Variants in OTUD7A observed in about 807,000 individuals in gnomAD.
OTUD7A encodes OTU deubiquitinase 7A.
A neutral mutation model predicts 65.7 loss-of-function variants in OTUD7A; 12 were observed. The ratio of observed to expected loss-of-function variants is 0.18; its 90% CI spans 0.12 to 0.30. The LOEUF (loss-of-function observed/expected upper bound fraction) is 0.30. OTUD7A is among the 10% of genes least tolerant of loss of function. The pLI is 1.00. For missense variants in OTUD7A, 1,148 were observed against 1,304.8 expected (o/e 0.88, Z 1.85); for synonymous variants, 641 against 586.3 (o/e 1.09, Z -1.35).
chr15:31,571,845 G>A (rs1009087527), intron 3 of OTUD7A, among the ~76,000 whole-genome samples: 5 of 152,100 alleles, frequency 3.3e-5, no homozygotes, highest in African/African-American at 1.2e-4. Flanking sequence ...CAAACACACT[G>A]AGGCCATAAA....
chr15:31,746,294 T>A (rs1167189477), intron 1 of OTUD7A, among the ~76,000 whole-genome samples: 2 of 152,110 alleles, frequency 1.3e-5, no homozygotes, highest in African/African-American at 4.8e-5. Flanking sequence ...AACCCAAATG[T>A]CCATCAAGAA....
chr15:31,727,417 TCC>T (rs1365573436), intron 1 of OTUD7A, among the ~76,000 whole-genome samples: 1 of 75,236 alleles, frequency 1.3e-5, no homozygotes, highest in East Asian at 4.4e-4. Flanking sequence ...CCATCCACCC[TCC>T]TTTTTTTCCC....
At chr15:31,674,391 C>T (rs1215192673) in intron 1 of OTUD7A, among the ~76,000 whole-genome samples, 1 of 152,170 alleles carries the variant, frequency 6.6e-6, no homozygotes, top group Non-Finnish European at 1.5e-5. Context: ...ACAGGAATGA[C>T]ATGCTTTAGG....
chr15:31,778,159 T>C (rs770051713), intron 1 of OTUD7A, among the ~76,000 whole-genome samples: 1 of 151,952 alleles, frequency 6.6e-6, no homozygotes, highest in African/African-American at 2.4e-5. Flanking sequence ...AGAATACGCA[T>C]AGAGAGAGGG....
chr15:31,710,723 C>A (rs1196343463), intron 1 of OTUD7A, among the ~76,000 whole-genome samples: 2 of 152,284 alleles, frequency 1.3e-5, no homozygotes, highest in African/African-American at 4.8e-5. Flanking sequence ...TCTGGAAGAG[C>A]TATCCATTAT....
chr15:31,699,385 G>A (rs991397289), intron 1 of OTUD7A, among the ~76,000 whole-genome samples: 3 of 152,132 alleles, frequency 2.0e-5, no homozygotes, highest in Non-Finnish European at 2.9e-5. Flanking sequence ...AGCCAATACT[G>A]TTGTTTTTAC....
intron 1 of OTUD7A, among the ~76,000 whole-genome samples, chr15:31,786,227 A>G (rs1237116112): frequency 1.3e-5 from 2 of 152,174 alleles, no homozygotes; most frequent in Admixed American, 1.3e-4. Context: ...TTTCTTTATA[A>G]ACTACCTACT....
At chr15:31,646,162 T>C (rs1344009490) in intron 3 of OTUD7A, among the ~76,000 whole-genome samples, 4 of 152,044 alleles carry the variant, frequency 2.6e-5, no homozygotes, top group African/African-American at 7.3e-5. Flanking sequence ...CATTACTGAG[T>C]GCCCACTCAG....
chr15:31,641,579 C>T (rs540352995), intron 3 of OTUD7A, among the ~76,000 whole-genome samples: 9 of 152,246 alleles, frequency 5.9e-5, no homozygotes, highest in South Asian at 2.1e-4. Flanking sequence ...GGATATGGTA[C>T]ATTTAACCCT....
At chr15:31,815,918 C>CA (rs1347746691) in intron 1 of OTUD7A, among the ~76,000 whole-genome samples, 2 of 152,344 alleles carry the variant, frequency 1.3e-5, no homozygotes, top group Admixed American at 1.3e-4. Context: ...GAAAGGTCCC[C>CA]ACCATGTTCC....
chr15:31,651,041 A>T lies in OTUD7A; in HGVS notation c.151+4055T>A, dbSNP rs1386171015. Reference sequence around the variant, plus strand: ...TTAATAGAAATGACTGAATCTGAATAACAGACAAAGCTTGAAAACCTTGAA... The same window carrying T: ...TTAATAGAAATGACTGAATCTGAATTACAGACAAAGCTTGAAAACCTTGAA... On this transcript the variant is annotated intron_variant, in intron 3 of 12. Transcript: ENST00000307050. 4.5e-5 allele frequency among the ~76,000 whole-genome samples: 6 copies of T among 132,694 alleles called. 1 individual carries two copies. The highest frequency in any genetic ancestry group is 9.6e-5 in the Non-Finnish European group (6 of 62,556). The allele number at this position is 132,694 out of a possible 152,430, so 87.1% of individuals were successfully genotyped here. A position where few individuals can be genotyped will look rare whatever the true frequency, so the allele number is the denominator to read the frequency against.
chr15:31,654,342 A>G (rs916726021), intron 3 of OTUD7A, among the ~76,000 whole-genome samples: 1 of 143,928 alleles, frequency 6.9e-6, no homozygotes, highest in African/African-American at 2.6e-5. Context: ...TTAATTTTCA[A>G]TATGATTGAA....
intron 1 of OTUD7A, among the ~76,000 whole-genome samples, chr15:31,835,031 A>G (rs540893487): frequency 3.6e-4 from 55 of 152,360 alleles, no homozygotes; most frequent in African/African-American, 1.3e-3. Context: ...TGCCACAAGC[A>G]CCAGTGGAAA....
intron 1 of OTUD7A, among the ~76,000 whole-genome samples, chr15:31,744,638 T>C (rs1894429182): frequency 6.6e-6 from 1 of 152,146 alleles, no homozygotes. Flanking sequence ...CCCTTATGAT[T>C]AAAAAGAAGT....
intron 1 of OTUD7A, among the ~76,000 whole-genome samples, chr15:31,802,078 A>G (rs576886231): frequency 6.7e-6 from 1 of 149,702 alleles, no homozygotes; most frequent in Admixed American, 6.7e-5. Context: ...GACAGAACTA[A>G]TGGAATATAT....
intron 1 of OTUD7A, among the ~76,000 whole-genome samples, chr15:31,761,471 A>T (rs867059923): frequency 6.6e-6 from 1 of 152,178 alleles, no homozygotes; most frequent in Middle Eastern, 3.2e-3. Flanking sequence ...ATCACAACGA[A>T]ATATAACTTC....
intron 6 of OTUD7A, among the ~76,000 whole-genome samples, chr15:31,530,281 C>T (rs546444834): frequency 8.5e-4 from 129 of 152,336 alleles, no homozygotes; most frequent in African/African-American, 3.0e-3. Context: ...CTCGTTCACC[C>T]CTACCTCCAA....
At chr15:31,642,084 T>C (rs1230245910) in intron 3 of OTUD7A, among the ~76,000 whole-genome samples, 1 of 152,222 alleles carries the variant, frequency 6.6e-6, no homozygotes. Context: ...GGAAGTTTTC[T>C]TCTATTCCTA....
chr15:31,767,921 A>T, intron 1 of OTUD7A: 1 of 1,531,546 alleles, frequency 6.5e-7, no homozygotes, highest in Non-Finnish European at 9.0e-7. Flanking sequence ...GTTATCATCA[A>T]CATTTTCTGA....
Sources: allele counts gnomAD v4.1 joint callset (sites outside exome capture counted in the v4.1 genomes callset), GRCh38; gene constraint gnomAD v4.1.1; transcripts MANE v1.5; gene names NCBI Gene and HGNC (gene_info 2026-07-23, HGNC 2026-07-21).